MYO5A: variants seen among roughly 807,000 people sequenced by gnomAD.
MYO5A encodes unconventional myosin-Va.
A neutral mutation model predicts 249.7 loss-of-function variants in MYO5A; 98 were observed. That is an observed-to-expected ratio of 0.39 (90% CI 0.33 to 0.46). MYO5A has a LOEUF of 0.46. MYO5A is among the 20% of genes least tolerant of loss of function. MYO5A has a pLI of 0.98. For synonymous variants in MYO5A, 778 were observed against 810.6 expected, an observed-to-expected ratio of 0.96 and a Z score of 0.68; for missense variants, 1,696 against 2,308.8, an observed-to-expected ratio of 0.73 and a Z score of 5.44.
rs551350286 is a variant in MYO5A at position 52,449,234 on chromosome 15, G to C, written c.28-15949C>G. The stretch of plus-strand genomic sequence containing the variant: ...TCCACCCACCTCAGCCTCCCAAAGT[G>C]CTGGGATTACAGGCGTGAGCCACTG... On this transcript the variant is annotated intron_variant, in intron 1 of 41. Transcript: ENST00000399233. Among the ~76,000 whole-genome samples the C allele has an allele frequency of 3.9e-5, 6 of 152,122 alleles. No individual in the cohort carries two copies. The East Asian group carries it at 1.2e-3, about 29-fold the overall frequency.
At chr15:52,437,808 T>C (rs1465003479) in intron 1 of MYO5A, among the ~76,000 whole-genome samples, 3 of 152,136 alleles carry the variant, frequency 2.0e-5, no homozygotes, top group Admixed American at 1.3e-4. Flanking sequence ...TCCACAAGTA[T>C]TTTGCAAAAA....
intron 1 of MYO5A, among the ~76,000 whole-genome samples, chr15:52,482,174 G>T (rs2076728198): frequency 6.6e-6 from 1 of 152,212 alleles, no homozygotes; most frequent in East Asian, 1.9e-4. Context: ...CGGGGTCTGT[G>T]AGCTTGAGAA....
rs755756078 is a variant in MYO5A at position 52,397,349 on chromosome 15, TG to T, written c.1170del (p.Ile391SerfsTer26). On this transcript the variant is annotated frameshift_variant, in exon 10 of 42. Transcript: ENST00000399233. LOFTEE classifies it high-confidence loss of function. ...GCATTCGTGGCCTGCAGCTTGGAGA[TG>T]GGCTTGATGTATGTCTCTGTGGCAG... Reference protein sequence around the residue: ...LATATETYIKPISKLQATNAR... With the variant: ...LATATETYIKXISKLQATNAR... 1.2e-6 allele frequency: 2 copies of T among 1,614,110 alleles called. No homozygotes were observed. The highest frequency in any genetic ancestry group is 1.7e-6 in the Non-Finnish European group (2 of 1,179,994).
At chr15:52,459,983 CAG>C (rs2076210276) in intron 1 of MYO5A, among the ~76,000 whole-genome samples, 1 of 150,726 alleles carries the variant, frequency 6.6e-6, no homozygotes, top group African/African-American at 2.4e-5. Context: ...GGCGGCGGGG[CAG>C]AGACACTCCT....
chr15:52,501,785 A>C (rs931674029), intron 1 of MYO5A, among the ~76,000 whole-genome samples: 2 of 151,940 alleles, frequency 1.3e-5, no homozygotes, highest in Admixed American at 1.3e-4. Flanking sequence ...CCTCTTGCCC[A>C]CAGAAAAAAA....
intron 4 of MYO5A, among the ~76,000 whole-genome samples, chr15:52,421,647 TCTG>T (rs2043798627): frequency 6.6e-6 from 1 of 152,184 alleles, no homozygotes; most frequent in South Asian, 2.1e-4. Context: ...CAATGCTTCT[TCTG>T]CTTTGTTACA....
At chr15:52,348,973 A>C (rs2039802567) in intron 28 of MYO5A, 147 bp from the exon 29 acceptor site, 1 of 772,518 alleles carries the variant, frequency 1.3e-6, no homozygotes, top group African/African-American at 1.8e-5. Context: ...AATTAACTCT[A>C]TATATACATT....
chr15:52,478,611 T>C (rs1340533032), intron 1 of MYO5A, among the ~76,000 whole-genome samples: 1 of 152,242 alleles, frequency 6.6e-6, no homozygotes, highest in Non-Finnish European at 1.5e-5. Flanking sequence ...TATCAAACTA[T>C]CCTTTGCTGG....
chr15:52,350,270 A>G (rs1215093281), intron 28 of MYO5A, among the ~76,000 whole-genome samples: 1 of 152,226 alleles, frequency 6.6e-6, no homozygotes, highest in African/African-American at 2.4e-5. Flanking sequence ...ATTTCTCTAT[A>G]TAACTCCACT....
intron 9 of MYO5A, among the ~76,000 whole-genome samples, chr15:52,403,853 A>G (rs2042869560): frequency 6.6e-6 from 1 of 152,158 alleles, no homozygotes; most frequent in Non-Finnish European, 1.5e-5. Context: ...TAAAATTAGG[A>G]CCCATGGCTT....
intron 1 of MYO5A, among the ~76,000 whole-genome samples, chr15:52,469,049 AATT>A (rs1419114089): frequency 6.6e-6 from 1 of 152,230 alleles, no homozygotes; most frequent in Non-Finnish European, 1.5e-5. Context: ...AAATACAAAT[AATT>A]ATTTCTAAAA....
At chr15:52,502,222 A>G (rs1226619830) in intron 1 of MYO5A, among the ~76,000 whole-genome samples, 2 of 152,026 alleles carry the variant, frequency 1.3e-5, no homozygotes, top group Non-Finnish European at 2.9e-5. Context: ...GTCAGAGGTT[A>G]CAGTGAGCCA....
Position 52,376,507 on chromosome 15 carries a change from G to C in MYO5A, c.2260C>G (p.Gln754Glu). The change falls in exon 19 of 42, where the codon CAA becomes GAA. Residue 754 changes from glutamine to glutamate, a missense_variant. By Grantham distance (29) the Gln-to-Glu change is conservative (BLOSUM62 2). Transcript: ENST00000399233. ...GKTKIFFRAGQVAYLEKLRAD... is the reference protein window; with the variant it reads ...GKTKIFFRAGEVAYLEKLRAD... ...CTCAATTTTTCTAGATAGGCCACTTGACCGGCACGGAAAAAGATCTTTGTC... is the reference window on the plus strand; with the variant it reads ...CTCAATTTTTCTAGATAGGCCACTTCACCGGCACGGAAAAAGATCTTTGTC... 1 of 1,614,184 alleles carries C rather than the reference G, an allele frequency of 6.2e-7. No individual in the cohort carries two copies. Among genetic ancestry groups the C allele is most frequent in the Non-Finnish European group, 8.5e-7 (1 of 1,180,036 alleles).
intron 14 of MYO5A, 200 bp downstream of exon 14, chr15:52,387,629 G>C: frequency 1.9e-6 from 1 of 539,340 alleles, no homozygotes; most frequent in Middle Eastern, 5.1e-4. Context: ...TAAAATAAGA[G>C]TCATTAGATG....
intron 1 of MYO5A, among the ~76,000 whole-genome samples, chr15:52,516,978 G>A (rs2077509299): frequency 1.3e-5 from 2 of 152,140 alleles, no homozygotes; most frequent in South Asian, 2.1e-4. Context: ...GTGAATAAAA[G>A]CAACAATAAT....
At chr15:52,388,109 C>T (rs2042046792) in intron 13 of MYO5A, among the ~76,000 whole-genome samples, 197 bp from the exon 14 acceptor site, 1 of 152,152 alleles carries the variant, frequency 6.6e-6, no homozygotes, top group African/African-American at 2.4e-5. Context: ...CCTCAAATAT[C>T]GTTTTTCCTA....
intron 9 of MYO5A, among the ~76,000 whole-genome samples, chr15:52,397,786 C>G (rs1235278257): frequency 6.6e-6 from 1 of 152,190 alleles, no homozygotes; most frequent in Non-Finnish European, 1.5e-5. Flanking sequence ...CAATTATTTA[C>G]TGAGTGCTAC....
At chr15:52,324,065 T>A (rs2038474516) in intron 36 of MYO5A, among the ~76,000 whole-genome samples, 1 of 131,018 alleles carries the variant, frequency 7.6e-6, no homozygotes, top group African/African-American at 2.7e-5. Flanking sequence ...TAGCCCAAAT[T>A]CATGTCCCCC....
At chr15:52,436,412 T>A (rs1042779173) in intron 1 of MYO5A, among the ~76,000 whole-genome samples, 1 of 152,216 alleles carries the variant, frequency 6.6e-6, no homozygotes. Context: ...CTCTATAATG[T>A]ACTTCTCCCA....
Sources: allele counts gnomAD v4.1 joint callset (sites outside exome capture counted in the v4.1 genomes callset), GRCh38; gene constraint gnomAD v4.1.1; transcripts MANE v1.5; gene names NCBI Gene and HGNC (gene_info 2026-07-23, HGNC 2026-07-21).